Variants in GPATCH2L observed in about 807,000 individuals in gnomAD.
GPATCH2L encodes G patch domain-containing protein 2-like.
GPATCH2L carries 31 observed loss-of-function variants against 57.4 expected under a neutral mutation model. That is an observed-to-expected ratio of 0.54 (90% CI 0.41 to 0.73). GPATCH2L has a LOEUF of 0.73. Ranked by LOEUF, GPATCH2L falls within the 30% of genes least tolerant of loss-of-function variation. GPATCH2L has a pLI of 0.00. For missense variants in GPATCH2L, 481 were observed against 599.9 expected (o/e 0.80, Z 2.07); for synonymous variants, 199 against 210.7 (o/e 0.94, Z 0.48).
chr14:76,224,213 G>T (rs1464877702), intron 1 of GPATCH2L, among the ~76,000 whole-genome samples: 1 of 152,198 alleles, frequency 6.6e-6, no homozygotes, highest in African/African-American at 2.4e-5. Flanking sequence ...ACAGGCAGTA[G>T]ATTAGTAGCT....
intron 2 of GPATCH2L, among the ~76,000 whole-genome samples, chr14:76,231,944 G>A (rs2139881061): frequency 1.7e-3 from 1 of 586 alleles, no homozygotes; most frequent in South Asian, 0.062. Context: ...CCAGGATAGA[G>A]TGCAGTGGGG....
rs762717774 is a variant in GPATCH2L, at chr14:76,154,642, A to G, written c.279A>G (p.Val93=). The G allele has an allele frequency of 6.2e-7, 1 of 1,614,276 alleles. No individual in the cohort carries two copies. Among genetic ancestry groups the G allele is most frequent in the African/African-American group, 1.3e-5 (1 of 75,078 alleles). Residue 93 remains valine (V), a synonymous_variant, in exon 2 of 10, where the codon GTA becomes GTG. Transcript: ENST00000261530. The surrounding 1 kb of genome is among the most constrained non-coding windows in gnomAD (Gnocchi z 4.4). ...TNFSDSDDTM[V]AKRHPALNAI... ...TTAGTGACTCTGATGACACAATGGT[A>G]GCCAAACGACACCCAGCTCTCAATG...
At chr14:76,177,819 T>C (rs1594949470) in intron 6 of GPATCH2L, 169 bp from the exon 7 acceptor site, 1 of 880,642 alleles carries the variant, frequency 1.1e-6, no homozygotes, top group South Asian at 1.5e-5. Context: ...CATCTTATCT[T>C]CTTCTCCCTT....
chr14:76,168,298 TG>T (rs754802453), intron 3 of GPATCH2L, among the ~76,000 whole-genome samples: 1 of 152,226 alleles, frequency 6.6e-6, no homozygotes, highest in Non-Finnish European at 1.5e-5. Context: ...TTCAATTTCT[TG>T]TTGGGGTTGG....
chr14:76,184,402 A>G (rs774571053), intron 8 of GPATCH2L, among the ~76,000 whole-genome samples: 2 of 150,816 alleles, frequency 1.3e-5, no homozygotes, highest in Non-Finnish European at 1.5e-5. Flanking sequence ...TTGCCTGGAC[A>G]CTGCCAATTC....
At chr14:76,221,942 A>C (rs2040516730) in intron 1 of GPATCH2L, among the ~76,000 whole-genome samples, 1 of 152,210 alleles carries the variant, frequency 6.6e-6, no homozygotes, top group Non-Finnish European at 1.5e-5. Flanking sequence ...GTATAACACT[A>C]ATAGTGAACA....
chr14:76,163,951 A>G (rs1010280116), intron 2 of GPATCH2L, among the ~76,000 whole-genome samples: 4 of 152,070 alleles, frequency 2.6e-5, no homozygotes, highest in Non-Finnish European at 5.9e-5. Flanking sequence ...ATTCTCTTCC[A>G]TGGTTACTGG....
intron 1 of GPATCH2L, chr14:76,152,584 C>T: frequency 2.2e-6 from 1 of 448,834 alleles, no homozygotes; most frequent in South Asian, 1.6e-5. Flanking sequence ...TGCCCGGGTG[C>T]GTGCCTGGCC....
At chr14:76,177,424 C>T (rs1281625830) in intron 6 of GPATCH2L, among the ~76,000 whole-genome samples, 1 of 151,630 alleles carries the variant, frequency 6.6e-6, no homozygotes, top group Non-Finnish European at 1.5e-5. Context: ...AATAATTCTG[C>T]CAATTCTTGT....
intron 2 of GPATCH2L, among the ~76,000 whole-genome samples, chr14:76,235,458 C>T (rs929006148): frequency 6.6e-6 from 1 of 152,230 alleles, no homozygotes; most frequent in African/African-American, 2.4e-5. Context: ...CCATGCAAGA[C>T]ACGCCTTTGC....
intron 2 of GPATCH2L, among the ~76,000 whole-genome samples, chr14:76,161,534 G>A (rs1484168297): frequency 6.6e-6 from 1 of 152,168 alleles, no homozygotes; most frequent in East Asian, 1.9e-4. Context: ...CTGTGGTTAG[G>A]AGTATGAAAG....
chr14:76,191,715 CATACA>C (rs2039971291), intron 8 of GPATCH2L, among the ~76,000 whole-genome samples: 1 of 152,122 alleles, frequency 6.6e-6, no homozygotes, highest in African/African-American at 2.4e-5. Flanking sequence ...CATTTCAATA[CATACA>C]ATAGTGATCA....
At chr14:76,163,509 T>C (rs1594918249) in intron 2 of GPATCH2L, among the ~76,000 whole-genome samples, 2 of 152,318 alleles carry the variant, frequency 1.3e-5, no homozygotes, top group South Asian at 4.1e-4. Flanking sequence ...CATTTTGTTT[T>C]TCCATTTAAA....
chr14:76,177,928 TC>T, intron 6 of GPATCH2L, 59 bp from the exon 7 acceptor site: 1 of 1,600,476 alleles, frequency 6.2e-7, no homozygotes, highest in Non-Finnish European at 8.6e-7. Context: ...GAGAACGAAA[TC>T]AGGTAAGATC....
At chr14:76,229,374 T>C (rs971900426) in intron 1 of GPATCH2L, among the ~76,000 whole-genome samples, 26 of 152,230 alleles carry the variant, frequency 1.7e-4, no homozygotes, top group African/African-American at 5.1e-4. Flanking sequence ...TCATCTGATA[T>C]GTGAGTTCAC....
intron 1 of GPATCH2L, among the ~76,000 whole-genome samples, chr14:76,220,141 T>C (rs2139861635): frequency 6.6e-6 from 1 of 152,308 alleles, no homozygotes. Flanking sequence ...GTTAGTCAGC[T>C]TCAGTCCTCA....
At chr14:76,193,898 T>C (rs2040064011) in intron 8 of GPATCH2L, among the ~76,000 whole-genome samples, 1 of 152,192 alleles carries the variant, frequency 6.6e-6, no homozygotes, top group African/African-American at 2.4e-5. Context: ...AGGATAAGGA[T>C]GATTGAATAA....
At chr14:76,178,305 A>C (rs1221625258) in intron 7 of GPATCH2L, 1 of 1,363,530 alleles carries the variant, frequency 7.3e-7, no homozygotes, top group African/African-American at 1.4e-5. Context: ...GTTGAAGCCT[A>C]AACGTATGGA....
chr14:76,177,802 AT>A, intron 6 of GPATCH2L, 185 bp from the exon 7 acceptor site: 1 of 761,898 alleles, frequency 1.3e-6, no homozygotes. Context: ...TTACTTAATT[AT>A]TCCAACATCT....
Sources: gnomAD v4.1 joint callset for allele counts (sites outside exome capture counted in the v4.1 genomes callset) on GRCh38, gnomAD v4.1.1 for gene constraint, Gnocchi (gnomAD v3.1) non-coding constraint, MANE v1.5 for transcripts, NCBI Gene and HGNC (gene_info 2026-07-23, HGNC 2026-07-21) for gene names.